TIGAR: variants seen among roughly 807,000 people sequenced by gnomAD.
TIGAR encodes TP53 induced glycolysis regulatory phosphatase, also known as fructose-2,6-bisphosphatase TIGAR.
A neutral mutation model predicts 17.9 loss-of-function variants in TIGAR; 7 were observed. The ratio of observed to expected loss-of-function variants is 0.39; its 90% CI spans 0.22 to 0.73. TIGAR has a LOEUF of 0.73. Among genes scored for constraint, TIGAR ranks in the 30% least tolerant of loss-of-function variants. The pLI, the probability that TIGAR is intolerant of heterozygous loss-of-function variation, is 0.42. For synonymous variants in TIGAR, 94 were observed against 108.6 expected (o/e 0.87, Z 0.84); for missense variants, 258 against 327.4 (o/e 0.79, Z 1.64).
At position 4,352,970 on chromosome 12, in the gene TIGAR, T is replaced by TG; in HGVS notation, c.*284dup. On this transcript the variant is annotated 3_prime_UTR_variant, in exon 6 of 6. Coordinates refer to ENST00000179259, the MANE Select transcript of TIGAR (RefSeq NM_020375.3). ...GATGAAGGAACTCAGCATTGAAAGT[T>TG]GGGGGATTAGTAACCTTGTTACAAC... The TG allele has an allele frequency of 2.6e-6, 1 of 380,118 alleles. No individual in the cohort carries two copies. 23.5% of individuals were successfully genotyped at this position (380,118 alleles called of 1,614,324 possible). A position where few individuals can be genotyped will look rare whatever the true frequency, so the allele number is the denominator to read the frequency against.
chr12:4,340,104 G>A (rs943175386), intron 3 of TIGAR, among the ~76,000 whole-genome samples: 6 of 152,110 alleles, frequency 3.9e-5, no homozygotes, highest in African/African-American at 7.2e-5. Context: ...CATTTAAATC[G>A]GAAAGGAAGA....
chr12:4,341,956 C>T lies in TIGAR; in HGVS notation c.192+4796C>T, dbSNP rs138191139. On this transcript the variant is annotated intron_variant, in intron 3 of 5. Coordinates refer to ENST00000179259, the MANE Select transcript of TIGAR (RefSeq NM_020375.3). Reference sequence around the variant, plus strand: ...CTTCTCTGAGCTAAAGGAGGAAGTTCGAACCCATTGCAAAGAAGTTAAAAA... The same window carrying T: ...CTTCTCTGAGCTAAAGGAGGAAGTTTGAACCCATTGCAAAGAAGTTAAAAA... Among the ~76,000 whole-genome samples, 8 of 152,216 alleles carry T rather than the reference C, an allele frequency of 5.3e-5. No individual in the cohort carries two copies. The South Asian group carries it at 6.2e-4, about 12-fold the overall frequency.
rs754936590 is a variant in TIGAR at position 4,321,241 on chromosome 12, G to C, written c.-31G>C. On this transcript the variant is annotated 5_prime_UTR_variant, in exon 1 of 6. Coordinates refer to ENST00000179259, the MANE Select transcript of TIGAR (RefSeq NM_020375.3). This position sits in a 1 kb window ranked among gnomAD's most constrained non-coding sequence, Gnocchi z 5.2. Reference sequence around the variant, plus strand: ...CCGCAGTGCAGGGGCAGCGCGGCGCGGGGCCACCGACGGGACGCGGCTCCG... The same window carrying C: ...CCGCAGTGCAGGGGCAGCGCGGCGCCGGGCCACCGACGGGACGCGGCTCCG... 2 of 1,599,414 alleles carry C rather than the reference G, an allele frequency of 1.3e-6. No individual in the cohort carries two copies. The highest frequency in any genetic ancestry group is 1.1e-5 in the South Asian group (1 of 91,072).
chr12:4,351,791 T>C (rs1008697518), intron 5 of TIGAR, among the ~76,000 whole-genome samples: 2 of 152,194 alleles, frequency 1.3e-5, no homozygotes, highest in African/African-American at 4.8e-5. Context: ...CTGCTTCGAA[T>C]TGCATATTGG....
At chr12:4,333,132 G>A (rs1479536664) in intron 2 of TIGAR, among the ~76,000 whole-genome samples, 2 of 152,062 alleles carry the variant, frequency 1.3e-5, no homozygotes, top group Non-Finnish European at 2.9e-5. Flanking sequence ...TTATTTTTCT[G>A]ACAGTAATAT....
rs149456655 is a variant in TIGAR, at chr12:4,332,908, T to C, written c.70+1591T>C. On this transcript the variant is annotated intron_variant, in intron 2 of 5. Coordinates refer to ENST00000179259, the MANE Select transcript of TIGAR (RefSeq NM_020375.3). Reference sequence around the variant, plus strand: ...CATGTCCTAAATATCAATTTATGAGTGCAGTATTTTTAATTTCCTGCTGCA... The same window carrying C: ...CATGTCCTAAATATCAATTTATGAGCGCAGTATTTTTAATTTCCTGCTGCA... Among the ~76,000 whole-genome samples, 914 of 152,352 alleles carry C rather than the reference T, an allele frequency of 6.0e-3. 12 individuals carry two copies. Among genetic ancestry groups the C allele is most frequent in the African/African-American group, 0.021 (881 of 41,582 alleles).
At chr12:4,343,889 C>G (rs1429800575) in intron 3 of TIGAR, among the ~76,000 whole-genome samples, 1 of 152,148 alleles carries the variant, frequency 6.6e-6, no homozygotes, top group African/African-American at 2.4e-5. Context: ...CAGAGCAGAA[C>G]TGGAGGAGAC....
rs1565453616 is a variant in TIGAR, at chr12:4,358,977, T to G, written c.*6286T>G. 6.6e-6 allele frequency among the ~76,000 whole-genome samples: 1 copy of G among 152,170 alleles called. No homozygotes were observed. The highest frequency in any genetic ancestry group is 1.5e-5 in the Non-Finnish European group (1 of 68,026). ...TTATTAGATTTGGATTGTATACTTT[T>G]GTCAGAAGCAGCCCAGAAAGGATGT... On this transcript the variant is annotated 3_prime_UTR_variant, in exon 6 of 6. Transcript: ENST00000179259.
At chr12:4,327,897 A>T (rs1466201837) in intron 1 of TIGAR, among the ~76,000 whole-genome samples, 3 of 152,062 alleles carry the variant, frequency 2.0e-5, no homozygotes, top group Admixed American at 6.5e-5. Flanking sequence ...CAAACTCCTG[A>T]CCTCATGATC....
intron 3 of TIGAR, among the ~76,000 whole-genome samples, chr12:4,338,822 A>G (rs1458719898): frequency 6.6e-6 from 1 of 152,022 alleles, no homozygotes; most frequent in Non-Finnish European, 1.5e-5. Flanking sequence ...CACTGAAATA[A>G]CAAATCTGCC....
At position 4,351,389 on chromosome 12, in the gene TIGAR, T is replaced by TG; in HGVS notation, c.381+13dup. On this transcript the variant is annotated intron_variant, in intron 5 of 5. Transcript: ENST00000179259. ...AGACGCTGGACCAGGTATGTGGCGC[T>TG]GCCGATGTCAGAATGGTTGAATTAA... 1 of 1,607,904 alleles carries TG rather than the reference T, an allele frequency of 6.2e-7. No individual in the cohort carries two copies. The highest frequency in any genetic ancestry group is 1.1e-5 in the South Asian group (1 of 90,886).
Position 4,356,374 on chromosome 12 carries a change from C to T in TIGAR, c.*3683C>T, listed in dbSNP as rs1429787877. Among the ~76,000 whole-genome samples, 3 of 151,988 alleles carry T rather than the reference C, an allele frequency of 2.0e-5. No homozygotes were observed. The highest frequency in any genetic ancestry group is 4.8e-5 in the African/African-American group (2 of 41,296). ...TGATATTTTATTTGTAATATTTTCC[C>T]GGTTTTTGATTGTTTTTTAACAAAT... On this transcript the variant is annotated 3_prime_UTR_variant, in exon 6 of 6. Transcript: ENST00000179259.
At chr12:4,323,014 C>G (rs1864497197) in intron 1 of TIGAR, among the ~76,000 whole-genome samples, 1 of 151,518 alleles carries the variant, frequency 6.6e-6, no homozygotes, top group African/African-American at 2.4e-5. Flanking sequence ...CCCTGTAATC[C>G]TAGCACGTTG....
Position 4,321,250 on chromosome 12 carries a change from G to T in TIGAR, c.-22G>T. On this transcript the variant is annotated 5_prime_UTR_variant, in exon 1 of 6. Coordinates refer to ENST00000179259, the MANE Select transcript of TIGAR (RefSeq NM_020375.3). This position sits in a 1 kb window ranked among gnomAD's most constrained non-coding sequence, Gnocchi z 5.2. Reference sequence around the variant, plus strand: ...AGGGGCAGCGCGGCGCGGGGCCACCGACGGGACGCGGCTCCGGGAACATGG... The same window carrying T: ...AGGGGCAGCGCGGCGCGGGGCCACCTACGGGACGCGGCTCCGGGAACATGG... 1.9e-6 allele frequency: 3 copies of T among 1,600,446 alleles called. No individual in the cohort carries two copies. Among genetic ancestry groups the T allele is most frequent in the Non-Finnish European group, 8.5e-7 (1 of 1,179,752 alleles).
chr12:4,348,484 T>G (rs1048960266), intron 3 of TIGAR, among the ~76,000 whole-genome samples: 1 of 152,242 alleles, frequency 6.6e-6, no homozygotes, highest in African/African-American at 2.4e-5. Flanking sequence ...TTTATTGTGC[T>G]GAGAAATAAC....
At chr12:4,351,192 A>G in intron 4 of TIGAR, 75 bp from the exon 5 acceptor site, 1 of 1,369,610 alleles carries the variant, frequency 7.3e-7, no homozygotes, top group Admixed American at 1.8e-5. Flanking sequence ...AATGTTCTAA[A>G]TTTGCCATAA....
At position 4,342,250 on chromosome 12, in the gene TIGAR, CTA is replaced by C. The variant is rs539639892; in HGVS notation, c.192+5092_192+5093del. 6.7e-3 allele frequency among the ~76,000 whole-genome samples: 1,020 copies of C among 152,308 alleles called. 8 individuals are homozygous for C. Among genetic ancestry groups the C allele is most frequent in the African/African-American group, 0.024 (986 of 41,558 alleles). On this transcript the variant is annotated intron_variant, in intron 3 of 5. Coordinates refer to ENST00000179259, the MANE Select transcript of TIGAR (RefSeq NM_020375.3). ...ATGGGACTATGTGAAAAGACCAAAT[CTA>C]TGTCTGATTGGTGTACCTGAAAGTG...
chr12:4,329,005 A>G (rs888982222), intron 1 of TIGAR, among the ~76,000 whole-genome samples: 26 of 152,198 alleles, frequency 1.7e-4, no homozygotes, highest in African/African-American at 6.3e-4. Flanking sequence ...CACATTTATT[A>G]GTTTCATGTT....
intron 1 of TIGAR, among the ~76,000 whole-genome samples, chr12:4,322,799 A>G (rs185553052): frequency 6.6e-6 from 1 of 152,140 alleles, no homozygotes; most frequent in African/African-American, 2.4e-5. Context: ...GTTCCTCACT[A>G]TCTCTTCTCC....
Sources: gnomAD v4.1 joint callset for allele counts (sites outside exome capture counted in the v4.1 genomes callset) on GRCh38, gnomAD v4.1.1 for gene constraint, Gnocchi (gnomAD v3.1) non-coding constraint, MANE v1.5 for transcripts, NCBI Gene and HGNC (gene_info 2026-07-23, HGNC 2026-07-21) for gene names.